The following KDM6A variants were observed in gnomAD, a reference collection of about 807,000 sequenced individuals.
KDM6A encodes lysine-specific demethylase 6A.
A neutral mutation model predicts 117.6 loss-of-function variants in KDM6A; 11 were observed. The observed-to-expected ratio is 0.09, with a 90% confidence interval of 0.06 to 0.15. The LOEUF (loss-of-function observed/expected upper bound fraction) is 0.15. KDM6A is among the 10% of genes least tolerant of loss of function. The probability of loss-of-function intolerance (pLI) is 1.00; values close to 1 mark genes in which losing one functional copy is unlikely to be tolerated. For synonymous variants in KDM6A, 384 were observed against 396.1 expected (o/e 0.97, Z 0.36); for missense variants, 799 against 1,077.3 (o/e 0.74, Z 3.62).
chrX:45,065,542 G>A (rs928137979), intron 17 of KDM6A, among the ~76,000 whole-genome samples: 4 of 111,728 alleles, frequency 3.6e-5, no homozygotes, highest in African/African-American at 1.3e-4. Context: ...CTGTAATCCA[G>A]GTTAAAAGTT....
At chrX:44,984,626 A>G (rs1487357332) in intron 4 of KDM6A, among the ~76,000 whole-genome samples, 3 of 111,848 alleles carry the variant, frequency 2.7e-5, no homozygotes, top group Non-Finnish European at 3.8e-5. Flanking sequence ...AGCTTTCTAC[A>G]TATGGCTAGC....
intron 2 of KDM6A, among the ~76,000 whole-genome samples, chrX:44,903,520 T>G (rs1192903955): frequency 8.9e-6 from 1 of 111,936 alleles, no homozygotes; most frequent in Non-Finnish European, 1.9e-5. Context: ...CATTATTTCT[T>G]TAAATGTTTT....
At chrX:45,051,571 C>T (rs1451011506) in intron 8 of KDM6A, 138 bp from the exon 9 acceptor site, 1 of 430,753 alleles carries the variant, frequency 2.3e-6, no homozygotes, top group African/African-American at 2.5e-5. Flanking sequence ...AAGAAACATT[C>T]AATAATGGAA....
At chrX:44,953,890 C>T (rs1361974156) in intron 2 of KDM6A, among the ~76,000 whole-genome samples, 1 of 110,161 alleles carries the variant, frequency 9.1e-6, no homozygotes, top group Non-Finnish European at 1.9e-5. Context: ...AACCCCGTCT[C>T]TACAAAGAGT....
At chrX:45,036,628 T>A (rs1423185761) in intron 7 of KDM6A, among the ~76,000 whole-genome samples, 1 of 112,341 alleles carries the variant, frequency 8.9e-6, no homozygotes, top group African/African-American at 3.2e-5. Flanking sequence ...ACCTTTTTCT[T>A]AATTATATAT....
At chrX:45,008,396 A>T (rs769335075) in intron 4 of KDM6A, among the ~76,000 whole-genome samples, 1 of 111,034 alleles carries the variant, frequency 9.0e-6, no homozygotes, top group Non-Finnish European at 1.9e-5. Flanking sequence ...AAATAAAAAA[A>T]ATAAAAATAA....
chrX:44,895,041 A>G (rs1205181846), intron 2 of KDM6A, among the ~76,000 whole-genome samples: 1 of 110,405 alleles, frequency 9.1e-6, no homozygotes, highest in Non-Finnish European at 1.9e-5. Context: ...TGCTGGGATT[A>G]CAGGTGTGAG....
intron 8 of KDM6A, among the ~76,000 whole-genome samples, chrX:45,043,735 G>A (rs1169952241): frequency 9.0e-6 from 1 of 111,043 alleles, no homozygotes. Context: ...CCAAGATGGC[G>A]CCACTGCACG....
At chrX:45,058,976 A>ATTT in intron 10 of KDM6A, 30 bp from the exon 11 acceptor site, 4 of 958,239 alleles carry the variant, frequency 4.2e-6, no homozygotes, top group Non-Finnish European at 5.8e-6. Context: ...AATTCTCTTG[A>ATTT]TTTTTTTTTT....
chrX:44,978,030 G>A (rs1309603330), intron 4 of KDM6A, among the ~76,000 whole-genome samples: 1 of 112,116 alleles, frequency 8.9e-6, no homozygotes, highest in Non-Finnish European at 1.9e-5. Flanking sequence ...TTGTGTGTTT[G>A]TGTTTGCCTG....
At chrX:45,047,435 T>C (rs1220861535) in intron 8 of KDM6A, among the ~76,000 whole-genome samples, 1 of 108,062 alleles carries the variant, frequency 9.3e-6, no homozygotes, top group Non-Finnish European at 1.9e-5. Flanking sequence ...CTTCAATCTG[T>C]ATGCTTTCTA....
intron 27 of KDM6A, among the ~76,000 whole-genome samples, chrX:45,101,325 T>TA (rs1569541313): frequency 1.8e-5 from 2 of 111,834 alleles, no homozygotes; most frequent in African/African-American, 6.5e-5. Context: ...TTATGACTGT[T>TA]ATGTGAGTCT....
intron 28 of KDM6A, among the ~76,000 whole-genome samples, chrX:45,108,540 C>T (rs1016149493): frequency 3.6e-5 from 4 of 110,170 alleles, no homozygotes; most frequent in Non-Finnish European, 7.6e-5. Context: ...ACTAGTTCAA[C>T]CATTGTGGAA....
intron 2 of KDM6A, among the ~76,000 whole-genome samples, chrX:44,876,753 T>A (rs1380501274): frequency 1.8e-5 from 2 of 109,576 alleles, no homozygotes; most frequent in African/African-American, 6.6e-5. Flanking sequence ...TTCTTTCAAG[T>A]TTTTAAAATT....
intron 8 of KDM6A, among the ~76,000 whole-genome samples, chrX:45,039,606 G>C (rs2042969329): frequency 1.3e-5 from 1 of 75,586 alleles, no homozygotes; most frequent in South Asian, 9.4e-4. Context: ...AAGGTCAGCA[G>C]ATAAACAAGT....
rs1180889860 is a variant in KDM6A at position 45,078,417 on chromosome X, T to A, written c.3006T>A (p.Asp1002Glu). The A allele has an allele frequency of 8.3e-7, 1 of 1,207,386 alleles. No homozygotes were observed. Among genetic ancestry groups the A allele is most frequent in the Non-Finnish European group, 1.1e-6 (1 of 894,050 alleles). ...TPSIYLENKR[D>E]AFFPPLHQFC... The stretch of plus-strand genomic sequence containing the variant: ...TTTTACAGTTGGAAAATAAACGTGA[T>A]GCTTTCTTTCCTCCATTACATCAAT... Residue 1002 changes from aspartate (D) to glutamate (E), a missense_variant, in exon 20 of 30, where the codon GAT (aspartate) becomes GAA (glutamate). Physicochemically the swap from Asp to Glu is conservative, Grantham distance 45. Coordinates refer to ENST00000611820, the MANE Select transcript of KDM6A (RefSeq NM_001291415.2).
intron 27 of KDM6A, among the ~76,000 whole-genome samples, chrX:45,091,550 G>T (rs1296065340): frequency 8.9e-6 from 1 of 111,828 alleles, no homozygotes; most frequent in Non-Finnish European, 1.9e-5. Context: ...TATGGGAAAT[G>T]ATAGATTAAA....
intron 8 of KDM6A, among the ~76,000 whole-genome samples, chrX:45,051,216 G>C (rs954602207): frequency 9.0e-6 from 1 of 110,958 alleles, no homozygotes; most frequent in African/African-American, 3.3e-5. Context: ...CACTATGTTG[G>C]CCAGGCTGGT....
chrX:44,936,709 A>G (rs1282615979), intron 2 of KDM6A, among the ~76,000 whole-genome samples: 1 of 112,229 alleles, frequency 8.9e-6, no homozygotes, highest in Non-Finnish European at 1.9e-5. Context: ...CATGAAATTC[A>G]TTTATGTTTT....
Sources: gnomAD v4.1 joint callset for allele counts (sites outside exome capture counted in the v4.1 genomes callset) on GRCh38, gnomAD v4.1.1 for gene constraint, MANE v1.5 for transcripts, NCBI Gene and HGNC (gene_info 2026-07-23, HGNC 2026-07-21) for gene names.